The following C7orf33 variants were observed in gnomAD, a reference collection of about 807,000 sequenced individuals.
C7orf33 encodes chromosome 7 open reading frame 33, also known as uncharacterized protein C7orf33.
Under a neutral mutation model 13.4 loss-of-function variants are expected in C7orf33, and 15 were observed. The observed-to-expected ratio is 1.12, with a 90% CI of 0.75 to 1.72. C7orf33 has a LOEUF of 1.72. C7orf33 is among the 40% of genes most tolerant of loss of function. The pLI is 0.00. For synonymous variants in C7orf33, 73 were observed against 83.2 expected, an observed-to-expected ratio of 0.88 and a Z score of 0.67; for missense variants, 187 against 220.3, an observed-to-expected ratio of 0.85 and a Z score of 0.96.
At chr7:148,598,789 G>C (rs1291408559) in intron 1 of C7orf33, among the ~76,000 whole-genome samples, 1 of 140,244 alleles carries the variant, frequency 7.1e-6, no homozygotes, top group Admixed American at 7.3e-5. Flanking sequence ...GAGAGAGAGA[G>C]AGAGAGAGAG....
chr7:148,595,931 C>A (rs1796334243), intron 1 of C7orf33, among the ~76,000 whole-genome samples: 1 of 151,302 alleles, frequency 6.6e-6, no homozygotes, highest in Admixed American at 6.6e-5. Flanking sequence ...AATGTTTAAC[C>A]ATGATCACAG....
intron 1 of C7orf33, among the ~76,000 whole-genome samples, chr7:148,601,937 C>T (rs899750444): frequency 6.6e-6 from 1 of 151,820 alleles, no homozygotes; most frequent in Non-Finnish European, 1.5e-5. Context: ...TTTGTAGAGA[C>T]AGGGTCTCAC....
At chr7:148,605,047 C>T (rs2116897474) in intron 1 of C7orf33, among the ~76,000 whole-genome samples, 1 of 152,308 alleles carries the variant, frequency 6.6e-6, no homozygotes, top group East Asian at 1.9e-4. Flanking sequence ...GCCTGGCCAA[C>T]ATGGTGAAAC....
intron 1 of C7orf33, among the ~76,000 whole-genome samples, chr7:148,595,513 A>G (rs1332514456): frequency 3.0e-4 from 40 of 132,212 alleles, no homozygotes; most frequent in Middle Eastern, 4.0e-3. Flanking sequence ...TATATATTAT[A>G]TAGCTATAGT....
intron 1 of C7orf33, among the ~76,000 whole-genome samples, chr7:148,595,691 T>TATATAGATATA (rs1796331283): frequency 7.4e-6 from 1 of 135,622 alleles, no homozygotes; most frequent in African/African-American, 2.9e-5. Context: ...AGATCTATAT[T>TATATAGATATA]ATATAGATAT....
rs900318454 is a variant in C7orf33, at chr7:148,590,857, T to A, written c.-69T>A. On this transcript the variant is annotated 5_prime_UTR_variant, in exon 1 of 3. Coordinates refer to ENST00000307003, the MANE Select transcript of C7orf33 (RefSeq NM_145304.4). ...GACCCTGGGGATCCGTGCGACTTGA[T>A]CTTAGATATTGGTGGTGAAGCGCCG... The A allele has an allele frequency of 2.8e-6, 4 of 1,424,624 alleles. No homozygotes were observed. In the Admixed American group the frequency reaches 5.1e-5, roughly 18 times the overall value. 88.2% of individuals were successfully genotyped at this position (1,424,624 alleles called of 1,614,324 possible).
chr7:148,595,857 T>G (rs1232173255), intron 1 of C7orf33, among the ~76,000 whole-genome samples: 2 of 150,432 alleles, frequency 1.3e-5, no homozygotes, highest in Non-Finnish European at 2.9e-5. Flanking sequence ...CTGATTGGAC[T>G]TCATTTTATG....
At chr7:148,605,522 T>G (rs1289467450) in intron 1 of C7orf33, among the ~76,000 whole-genome samples, 1 of 152,210 alleles carries the variant, frequency 6.6e-6, no homozygotes, top group African/African-American at 2.4e-5. Context: ...GTGAGTATCA[T>G]CCTAGCAATG....
At chr7:148,594,999 C>T (rs1796311932) in intron 1 of C7orf33, among the ~76,000 whole-genome samples, 1 of 151,972 alleles carries the variant, frequency 6.6e-6, no homozygotes, top group Non-Finnish European at 1.5e-5. Context: ...ATTAGGGACT[C>T]TTAAGAAGCA....
At chr7:148,609,222 T>C (rs1033269506) in intron 1 of C7orf33, among the ~76,000 whole-genome samples, 1 of 151,594 alleles carries the variant, frequency 6.6e-6, no homozygotes, top group Non-Finnish European at 1.5e-5. Flanking sequence ...ACTAGTAAAA[T>C]GAGATATCAT....
intron 1 of C7orf33, among the ~76,000 whole-genome samples, chr7:148,591,342 A>G (rs1334370372): frequency 1.3e-5 from 2 of 152,100 alleles, no homozygotes; most frequent in African/African-American, 2.4e-5. Context: ...CTCACAAAAC[A>G]CTCCACTGAG....
rs1395291013 is a variant in C7orf33, at chr7:148,595,707, TTA to T, written c.204+4586_204+4587del. Among the ~76,000 whole-genome samples the T allele has an allele frequency of 8.9e-4, 120 of 134,560 alleles. 4 individuals are homozygous for T. Among genetic ancestry groups the T allele is most frequent in the African/African-American group, 3.3e-3 (115 of 34,992 alleles). 88.3% of individuals were successfully genotyped at this position (134,560 alleles called of 152,430 possible). On this transcript the variant is annotated intron_variant, in intron 1 of 2. Coordinates refer to ENST00000307003, the MANE Select transcript of C7orf33 (RefSeq NM_145304.4). Reference sequence around the variant, plus strand: ...GATCTATATTATATAGATATACATATTATATATATTATATATAATATACATCT... The same window carrying T: ...GATCTATATTATATAGATATACATATTATATATTATATATAATATACATCT...
chr7:148,594,742 G>A (rs748121586), intron 1 of C7orf33, among the ~76,000 whole-genome samples: 3 of 152,062 alleles, frequency 2.0e-5, no homozygotes, highest in Non-Finnish European at 4.4e-5. Flanking sequence ...CAATATATTT[G>A]AATTTGGGAA....
chr7:148,606,030 C>T (rs952046287), intron 1 of C7orf33, among the ~76,000 whole-genome samples: 4 of 152,144 alleles, frequency 2.6e-5, no homozygotes, highest in African/African-American at 9.7e-5. Context: ...CAGCCATGTT[C>T]ATCCTGCAGG....
Position 148,598,191 on chromosome 7 carries a change from C to T in C7orf33, c.204+7062C>T, listed in dbSNP as rs1796364745. 2.6e-5 allele frequency among the ~76,000 whole-genome samples: 4 copies of T among 152,168 alleles called. No homozygotes were observed. In the South Asian group the frequency reaches 8.3e-4, roughly 32 times the overall value. ...CTGCCTTCCTCCTCTCCTGCCCCCA[C>T]CCCTTATATGAGGCTTATGAAACGC... On this transcript the variant is annotated intron_variant, in intron 1 of 2. Coordinates refer to ENST00000307003, the MANE Select transcript of C7orf33 (RefSeq NM_145304.4).
At chr7:148,609,788 T>C (rs1193167750) in intron 1 of C7orf33, among the ~76,000 whole-genome samples, 1 of 152,168 alleles carries the variant, frequency 6.6e-6, no homozygotes, top group Non-Finnish European at 1.5e-5. Context: ...ACTTGGCCGC[T>C]TAGTGGAGGG....
Position 148,601,814 on chromosome 7 carries a change from C to A in C7orf33, c.204+10685C>A, listed in dbSNP as rs146591506. Among the ~76,000 whole-genome samples, 812 of 152,230 alleles carry A rather than the reference C, an allele frequency of 5.3e-3. 6 individuals are homozygous for A. Among genetic ancestry groups the A allele is most frequent in the Admixed American group, 7.2e-3 (110 of 15,276 alleles). ...TCAGGCTAGAATACAGTGTTGGAAT[C>A]ATAACTCACTAGAGTCTCGAACTCC... On this transcript the variant is annotated intron_variant, in intron 1 of 2. Transcript: ENST00000307003.
chr7:148,606,783 C>T (rs1796476883), intron 1 of C7orf33, among the ~76,000 whole-genome samples: 1 of 152,112 alleles, frequency 6.6e-6, no homozygotes, highest in East Asian at 1.9e-4. Flanking sequence ...GACGGGATTT[C>T]GTCACGTTGG....
rs184500545 is a variant in C7orf33, at chr7:148,597,872, T to C, written c.204+6743T>C. On this transcript the variant is annotated intron_variant, in intron 1 of 2. Coordinates refer to ENST00000307003, the MANE Select transcript of C7orf33 (RefSeq NM_145304.4). ...CCAGGTTCACGCCATTCTCCTGCCT[T>C]AGCCTCCCGAGTAGCTGGGACTACA... is the stretch of plus-strand genomic sequence containing the variant. Among the ~76,000 whole-genome samples, 526 of 152,016 alleles carry C rather than the reference T, an allele frequency of 3.5e-3. 7 individuals carry two copies. Among genetic ancestry groups the C allele is most frequent in the African/African-American group, 9.4e-3 (389 of 41,492 alleles).
Sources: allele counts gnomAD v4.1 joint callset (sites outside exome capture counted in the v4.1 genomes callset), GRCh38; gene constraint gnomAD v4.1.1; transcripts MANE v1.5; gene names NCBI Gene and HGNC (gene_info 2026-07-23, HGNC 2026-07-21).